The following RGS8 variants were observed in gnomAD, a reference collection of about 807,000 sequenced individuals.
RGS8 encodes the protein regulator of G protein signaling 8, also known as regulator of G-protein signaling 8.
A neutral mutation model predicts 21.7 loss-of-function variants in RGS8; 8 were observed. That is an observed-to-expected ratio of 0.37 (90% CI 0.22 to 0.66). The LOEUF (loss-of-function observed/expected upper bound fraction) is 0.66. Ranked by LOEUF, RGS8 falls within the 30% of genes least tolerant of loss-of-function variation. RGS8 has a pLI of 0.59. For missense variants in RGS8, 157 were observed against 217.9 expected, an observed-to-expected ratio of 0.72 and a Z score of 1.76; for synonymous variants, 80 against 83.6, an observed-to-expected ratio of 0.96 and a Z score of 0.24.
chr1:182,730,565 C>T, the RGS8 span, among the ~76,000 whole-genome samples: 1 of 152,046 alleles, frequency 6.6e-6, no homozygotes, highest in African/African-American at 2.4e-5. Context: ...CAAAAAATGG[C>T]CGGGCACAGT....
chr1:182,740,531 GTTTTTTTTGTTTGTTTGT>G, the RGS8 span, among the ~76,000 whole-genome samples: 74 of 84,452 alleles, frequency 8.8e-4, no homozygotes, highest in African/African-American at 2.9e-3. Flanking sequence ...AACTCATGTT[GTTTTTTTTGTTTGTTTGT>G]TTTTTTTTTT....
upstream of RGS8, among the ~76,000 whole-genome samples, chr1:182,686,425 G>A (rs369118790): frequency 6.0e-4 from 91 of 152,206 alleles, 1 homozygote; most frequent in Middle Eastern, 0.017. Flanking sequence ...GAGAAGATGA[G>A]AGCCAAAAAA....
upstream of RGS8, among the ~76,000 whole-genome samples, chr1:182,688,707 G>T (rs1290653472): frequency 6.6e-6 from 1 of 152,136 alleles, no homozygotes; most frequent in Admixed American, 6.6e-5. Flanking sequence ...AACTATGAGA[G>T]GGACTCAACC....
chr1:182,745,121 G>T, the RGS8 span, among the ~76,000 whole-genome samples: 1 of 152,152 alleles, frequency 6.6e-6, no homozygotes, highest in Non-Finnish European at 1.5e-5. Context: ...TTCCTTTCAA[G>T]AATTTTGAGC....
the RGS8 span, among the ~76,000 whole-genome samples, chr1:182,728,402 T>A: frequency 6.6e-6 from 1 of 152,344 alleles, no homozygotes. Context: ...CATTTCAATA[T>A]GAACCTTTCG....
At chr1:182,691,368 C>T in the RGS8 span, among the ~76,000 whole-genome samples, 3 of 151,992 alleles carry the variant, frequency 2.0e-5, no homozygotes, top group Non-Finnish European at 4.4e-5. Context: ...ACAAAGGCAA[C>T]GAAATGAAAT....
the RGS8 span, among the ~76,000 whole-genome samples, chr1:182,751,980 C>A: frequency 6.6e-6 from 1 of 152,312 alleles, no homozygotes; most frequent in Admixed American, 6.5e-5. Context: ...ACAGGCGCCG[C>A]GGTTCCTATT....
At chr1:182,662,859 C>G (rs932959254) in intron 5 of RGS8, among the ~76,000 whole-genome samples, 9 of 152,158 alleles carry the variant, frequency 5.9e-5, no homozygotes, top group African/African-American at 2.2e-4. Context: ...TTTTGCACAC[C>G]ATGAGCACTT....
At chr1:182,691,508 A>G in the RGS8 span, among the ~76,000 whole-genome samples, 1 of 151,878 alleles carries the variant, frequency 6.6e-6, no homozygotes, top group East Asian at 1.9e-4. Context: ...AAGTCAATAA[A>G]TATGATCCAT....
the RGS8 span, among the ~76,000 whole-genome samples, chr1:182,736,872 G>A: frequency 6.6e-6 from 1 of 152,202 alleles, no homozygotes; most frequent in African/African-American, 2.4e-5. Context: ...TGTCCATATA[G>A]AGAGGCCCAT....
At chr1:182,677,052 G>A (rs1664387409), upstream of RGS8, among the ~76,000 whole-genome samples, 1 of 152,064 alleles carries the variant, frequency 6.6e-6, no homozygotes, top group Non-Finnish European at 1.5e-5. Flanking sequence ...TTGCCAGTGA[G>A]CAAGGAGATG....
chr1:182,647,624 T>A (rs1405066425), intron 6 of RGS8, among the ~76,000 whole-genome samples: 5 of 152,218 alleles, frequency 3.3e-5, no homozygotes, highest in Non-Finnish European at 7.3e-5. Context: ...ATGTAAATAA[T>A]TGTAATTACT....
the RGS8 span, among the ~76,000 whole-genome samples, chr1:182,720,956 T>C: frequency 5.9e-4 from 28 of 47,788 alleles, no homozygotes; most frequent in East Asian, 5.2e-3. Context: ...CATATATACA[T>C]ACATATGTGT....
At chr1:182,713,268 C>G in the RGS8 span, among the ~76,000 whole-genome samples, 1 of 151,966 alleles carries the variant, frequency 6.6e-6, no homozygotes, top group African/African-American at 2.4e-5. Flanking sequence ...ACTGCAACCT[C>G]CAGCTCCCAG....
the RGS8 span, among the ~76,000 whole-genome samples, chr1:182,743,945 A>C: frequency 6.6e-6 from 1 of 152,156 alleles, no homozygotes; most frequent in Non-Finnish European, 1.5e-5. Flanking sequence ...TCTTCAGAGT[A>C]CTACCTCTTC....
At chr1:182,706,764 C>T in the RGS8 span, among the ~76,000 whole-genome samples, 16 of 151,248 alleles carry the variant, frequency 1.1e-4, no homozygotes, top group South Asian at 3.2e-3. Flanking sequence ...CCATGCCTGG[C>T]CATCCATGGG....
downstream of RGS8, chr1:182,643,323 G>GGCCCCCCC (rs1553214908): frequency 3.2e-5 from 1 of 31,474 alleles, no homozygotes; most frequent in African/African-American, 1.3e-4. Context: ...CCCTCCCCCA[G>GGCCCCCCC]CCCCCCCGCC....
At chr1:182,717,439 G>GCCAA in the RGS8 span, among the ~76,000 whole-genome samples, 1 of 152,186 alleles carries the variant, frequency 6.6e-6, no homozygotes, top group South Asian at 2.1e-4. Context: ...ATTTTCACCT[G>GCCAA]AAATTGTTGA....
exon 4 of RGS8, chr1:182,666,954 G>C: frequency 6.2e-7 from 1 of 1,613,880 alleles, no homozygotes; most frequent in African/African-American, 1.3e-5. Context: ...CATCCCAGTC[G>C]AGTCCTCATC....
Sources: allele counts gnomAD v4.1 joint callset (sites outside exome capture counted in the v4.1 genomes callset), GRCh38; gene constraint gnomAD v4.1.1; transcripts MANE v1.5; gene names NCBI Gene and HGNC (gene_info 2026-07-23, HGNC 2026-07-21).